ANO2: variants seen among roughly 807,000 people sequenced by gnomAD.
ANO2 encodes anoctamin 2, also known as anoctamin-2.
ANO2 carries 101 observed loss-of-function variants against 124.2 expected under a neutral mutation model. That is an observed-to-expected ratio of 0.81 (90% CI 0.69 to 0.96). The LOEUF (loss-of-function observed/expected upper bound fraction) is 0.96, where lower values mean the gene tolerates loss of function less well. Ranked by LOEUF, ANO2 falls within the 40% of genes least tolerant of loss-of-function variation. The pLI is 0.00. For synonymous variants in ANO2, 486 were observed against 482.5 expected (o/e 1.01, Z -0.09); for missense variants, 1,293 against 1,274.5 (o/e 1.01, Z -0.22).
chr12:5,673,979 C>G (rs1386305046), intron 14 of ANO2, among the ~76,000 whole-genome samples: 1 of 152,212 alleles, frequency 6.6e-6, no homozygotes, highest in Non-Finnish European at 1.5e-5. Context: ...TTACCCACTC[C>G]TCTTCTGGTT....
chr12:5,797,971 C>A (rs764031805), intron 10 of ANO2, among the ~76,000 whole-genome samples: 3 of 152,196 alleles, frequency 2.0e-5, no homozygotes, highest in Non-Finnish European at 2.9e-5. Context: ...CATATTGGAG[C>A]CATTTGCCAC....
chr12:5,661,979 T>C (rs1172931929), intron 14 of ANO2, among the ~76,000 whole-genome samples: 1 of 152,240 alleles, frequency 6.6e-6, no homozygotes, highest in Non-Finnish European at 1.5e-5. Context: ...ATGTCAGCTG[T>C]CAGGCAGCCC....
At chr12:5,648,820 A>C (rs1484466188) in intron 14 of ANO2, among the ~76,000 whole-genome samples, 1 of 152,210 alleles carries the variant, frequency 6.6e-6, no homozygotes, top group Non-Finnish European at 1.5e-5. Flanking sequence ...TACTTCTGCA[A>C]GGTGTCTGAA....
At chr12:5,637,901 A>G (rs953971683) in intron 15 of ANO2, among the ~76,000 whole-genome samples, 4 of 152,126 alleles carry the variant, frequency 2.6e-5, no homozygotes, top group African/African-American at 9.7e-5. Flanking sequence ...CAGAGTACCA[A>G]CCCAGTCACG....
intron 1 of ANO2, among the ~76,000 whole-genome samples, chr12:5,931,477 A>C (rs1160867594): frequency 2.0e-5 from 3 of 152,008 alleles, no homozygotes; most frequent in Non-Finnish European, 4.4e-5. Flanking sequence ...ACAAGGAAGG[A>C]AGGCCTATAA....
intron 1 of ANO2, among the ~76,000 whole-genome samples, chr12:5,923,163 T>TACGCAC (rs1555184605): frequency 6.2e-5 from 1 of 16,128 alleles, no homozygotes; most frequent in Non-Finnish European, 1.6e-4. Flanking sequence ...CACACACGCA[T>TACGCAC]ACACACACAC....
chr12:5,702,205 C>A lies in ANO2; in HGVS notation c.1545+30315G>T, dbSNP rs972230934. 2.0e-5 allele frequency among the ~76,000 whole-genome samples: 3 copies of A among 152,050 alleles called. No homozygotes were observed. In the East Asian group the frequency reaches 5.8e-4, roughly 29 times the overall value. The stretch of plus-strand genomic sequence containing the variant: ...TTGATAATGTAAGAAGACAAAAAAT[C>A]AGCAGGTATACAGAAGATGTGAAAC... On this transcript the variant is annotated intron_variant, in intron 14 of 24. Transcript: ENST00000682330.
At chr12:5,761,925 G>A (rs1951755671) in intron 10 of ANO2, among the ~76,000 whole-genome samples, 1 of 152,036 alleles carries the variant, frequency 6.6e-6, no homozygotes, top group Non-Finnish European at 1.5e-5. Context: ...ACATGTATGT[G>A]CTGCAAAAAT....
chr12:5,728,462 C>T (rs1414301236), intron 14 of ANO2, among the ~76,000 whole-genome samples: 3 of 152,008 alleles, frequency 2.0e-5, no homozygotes, highest in African/African-American at 7.2e-5. Context: ...AAGACTTGTA[C>T]ACTGAAAACT....
chr12:5,856,849 C>T (rs145911781), intron 3 of ANO2, among the ~76,000 whole-genome samples: 21 of 152,316 alleles, frequency 1.4e-4, no homozygotes, highest in African/African-American at 5.1e-4. Flanking sequence ...CTAACGAATG[C>T]AAAATCGTTT....
At chr12:5,767,887 T>C (rs1417887686) in intron 10 of ANO2, among the ~76,000 whole-genome samples, 1 of 152,206 alleles carries the variant, frequency 6.6e-6, no homozygotes, top group African/African-American at 2.4e-5. Flanking sequence ...TCTGCTGCTC[T>C]GAAGCTGAGC....
intron 14 of ANO2, among the ~76,000 whole-genome samples, chr12:5,707,290 A>G (rs556767667): frequency 1.8e-4 from 28 of 152,310 alleles, no homozygotes; most frequent in Non-Finnish European, 3.8e-4. Context: ...AGGCCTCCCC[A>G]GCCATGTGGA....
chr12:5,739,459 C>T (rs1026058147), intron 12 of ANO2, 60 bp from the exon 13 acceptor site: 6 of 1,432,180 alleles, frequency 4.2e-6, no homozygotes, highest in South Asian at 2.5e-5. Context: ...ATTCTGTACC[C>T]TTTGGGCTCA....
At chr12:5,918,774 TG>T (rs1350692173) in intron 3 of ANO2, among the ~76,000 whole-genome samples, 1 of 152,132 alleles carries the variant, frequency 6.6e-6, no homozygotes, top group Non-Finnish European at 1.5e-5. Context: ...CTGATGAAAA[TG>T]GCACCTCAAG....
chr12:5,932,972 TC>T, intron 1 of ANO2, among the ~76,000 whole-genome samples: 1 of 152,290 alleles, frequency 6.6e-6, no homozygotes, highest in Admixed American at 6.5e-5. Flanking sequence ...ATTTGTATGA[TC>T]CATTGCAATG....
chr12:5,745,155 G>A (rs1254123560), intron 11 of ANO2, among the ~76,000 whole-genome samples: 1 of 152,088 alleles, frequency 6.6e-6, no homozygotes. Context: ...ACAGATTTAG[G>A]CTCATATGAA....
intron 4 of ANO2, among the ~76,000 whole-genome samples, chr12:5,848,638 A>G (rs1954764406): frequency 6.6e-6 from 1 of 152,122 alleles, no homozygotes; most frequent in Non-Finnish European, 1.5e-5. Context: ...CGCAGACCTC[A>G]CAGGTGGAGC....
intron 14 of ANO2, among the ~76,000 whole-genome samples, chr12:5,686,787 G>A (rs3782633): frequency 0.37 from 56,900 of 152,132 alleles, 12,407 homozygotes; most frequent in East Asian, 0.59. Context: ...CTGAGGACTC[G>A]CAACACCAGT....
chr12:5,591,968 C>A (rs866882666), intron 20 of ANO2, among the ~76,000 whole-genome samples: 1 of 152,236 alleles, frequency 6.6e-6, no homozygotes, highest in Non-Finnish European at 1.5e-5. Flanking sequence ...TGTCCACTAA[C>A]ACTAATGACT....
Sources: allele counts gnomAD v4.1 joint callset (sites outside exome capture counted in the v4.1 genomes callset), GRCh38; gene constraint gnomAD v4.1.1; transcripts MANE v1.5; gene names NCBI Gene and HGNC (gene_info 2026-07-23, HGNC 2026-07-21).